RBM18: variants seen among roughly 807,000 people sequenced by gnomAD.
RBM18 encodes the protein RNA binding motif protein 18.
A neutral mutation model predicts 26.4 loss-of-function variants in RBM18; 18 were observed. That is an observed-to-expected ratio of 0.68 (90% CI 0.47 to 1.01). The LOEUF (loss-of-function observed/expected upper bound fraction) is 1.01. Among genes scored for constraint, RBM18 ranks in the 50% least tolerant of loss-of-function variants. The pLI is 0.00. For synonymous variants in RBM18, 74 were observed against 81.1 expected (o/e 0.91, Z 0.47); for missense variants, 180 against 219.2 (o/e 0.82, Z 1.13).
At chr9:122,252,624 G>T (rs138008624) in intron 2 of RBM18, among the ~76,000 whole-genome samples, 1 of 152,346 alleles carries the variant, frequency 6.6e-6, no homozygotes, top group African/African-American at 2.4e-5. Context: ...ACAACTATGT[G>T]ACTGAGGCCG....
At chr9:122,257,269 G>A (rs2118971641) in intron 2 of RBM18, among the ~76,000 whole-genome samples, 1 of 152,298 alleles carries the variant, frequency 6.6e-6, no homozygotes, top group South Asian at 2.1e-4. Context: ...AGCCTCCTGA[G>A]TAGCTGGGAC....
Position 122,238,620 on chromosome 9 carries a change from G to A in RBM18, c.*3264C>T, listed in dbSNP as rs537525980. The A allele has an allele frequency of 2.6e-4, 39 of 152,360 alleles. No individual in the cohort carries two copies. Among genetic ancestry groups the A allele is most frequent in the African/African-American group, 8.7e-4 (36 of 41,576 alleles). 9.4% of individuals were successfully genotyped at this position (152,360 alleles called of 1,614,324 possible). A position where few individuals can be genotyped will look rare whatever the true frequency, so the allele number is the denominator to read the frequency against. On this transcript the variant is annotated 3_prime_UTR_variant, in exon 6 of 6. Transcript: ENST00000417201. Reference sequence around the variant, plus strand: ...GTGGCTGCAGTACACCGCACAAGGGGAGAACAGTAGGCTATAGGGTCAGAC... The same window carrying A: ...GTGGCTGCAGTACACCGCACAAGGGAAGAACAGTAGGCTATAGGGTCAGAC...
chr9:122,258,324 A>G (rs1269665957), intron 2 of RBM18, among the ~76,000 whole-genome samples: 2 of 151,990 alleles, frequency 1.3e-5, no homozygotes, highest in African/African-American at 4.8e-5. Context: ...GCTGGAGTGC[A>G]GTGGTGTGAT....
intron 3 of RBM18, among the ~76,000 whole-genome samples, chr9:122,251,156 C>G (rs1242093398): frequency 6.6e-6 from 1 of 152,062 alleles, no homozygotes; most frequent in African/African-American, 2.4e-5. Context: ...CTCCCCATCT[C>G]AGCCTCCAGG....
In RBM18 at chr9:122,251,762, T is replaced by C; in HGVS notation, c.240+85A>G. ...GACATGGCTCCTGCCTACAGGGAAC[T>C]GCTATTCTAGTAGGCAAGAGACATG... is the stretch of plus-strand genomic sequence containing the variant. On this transcript the variant is annotated intron_variant, in intron 3 of 5. Coordinates refer to ENST00000417201, the MANE Select transcript of RBM18 (RefSeq NM_033117.4). The C allele has an allele frequency of 5.5e-6, 7 of 1,276,404 alleles. No homozygotes were observed. In the South Asian group the frequency reaches 7.7e-5, roughly 14 times the overall value. The allele number at this position is 1,276,404 out of a possible 1,614,324, so 79.1% of individuals were successfully genotyped here.
At position 122,239,305 on chromosome 9, in the gene RBM18, C is replaced by T. The variant is rs1418032931; in HGVS notation, c.*2579G>A. 6.6e-6 allele frequency: 1 copy of T among 152,070 alleles called. No homozygotes were observed. The highest frequency in any genetic ancestry group is 1.5e-5 in the Non-Finnish European group (1 of 68,032). 9.4% of individuals were successfully genotyped at this position (152,070 alleles called of 1,614,324 possible). On this transcript the variant is annotated 3_prime_UTR_variant, in exon 6 of 6. Coordinates refer to ENST00000417201, the MANE Select transcript of RBM18 (RefSeq NM_033117.4). ...TCTCGGCTCACTGGAACCTCTACCTCCTGGGTTCAAGCGATTCTTGTGCCT... is the reference window on the plus strand; with the variant it reads ...TCTCGGCTCACTGGAACCTCTACCTTCTGGGTTCAAGCGATTCTTGTGCCT...
intron 2 of RBM18, among the ~76,000 whole-genome samples, chr9:122,257,136 C>G (rs899059945): frequency 5.3e-5 from 8 of 152,108 alleles, no homozygotes; most frequent in Non-Finnish European, 1.0e-4. Flanking sequence ...AGTGCAGCGG[C>G]GCGATCTCGG....
chr9:122,261,391 G>C lies in RBM18; in HGVS notation c.102C>G (p.Pro34=), dbSNP rs769588118. The C allele has an allele frequency of 4.3e-6, 7 of 1,611,098 alleles. No homozygotes were observed. The East Asian group carries it at 1.6e-4, about 36-fold the overall frequency. Reference sequence around the variant, plus strand: ...TAACTTAGACTTACTCGGTAATTTTGGGGTCCAGGTTGCCAATCCATAATC... The same window carrying C: ...TAACTTAGACTTACTCGGTAATTTTCGGGTCCAGGTTGCCAATCCATAATC... ...GHRLWIGNLD[P]KITEYHLLKL... is the part of the protein sequence containing the mutation. The change falls in exon 2 of 6, where the codon CCC becomes CCG. Residue 34 remains proline, a synonymous_variant. Transcript: ENST00000417201.
rs779348204 is a variant in RBM18 at position 122,241,531 on chromosome 9, T to C, written c.*353A>G. On this transcript the variant is annotated 3_prime_UTR_variant, in exon 6 of 6. Transcript: ENST00000417201. ...GAAAAATGCTCAATTTTTTAATAGA[T>C]GTTAATATTTTTAGTTTCCTGATTT... The C allele has an allele frequency of 1.2e-5, 2 of 167,236 alleles. No homozygotes were observed. Among genetic ancestry groups the C allele is most frequent in the Non-Finnish European group, 2.6e-5 (2 of 78,222 alleles). 10.4% of individuals were successfully genotyped at this position (167,236 alleles called of 1,614,324 possible).
chr9:122,245,098 G>A (rs1465301305), intron 5 of RBM18, among the ~76,000 whole-genome samples, 158 bp downstream of exon 5: 1 of 152,116 alleles, frequency 6.6e-6, no homozygotes. Context: ...TGGAAGGAGA[G>A]GAAATGTATA....
chr9:122,259,882 C>T (rs749663939), intron 2 of RBM18, among the ~76,000 whole-genome samples: 29 of 151,846 alleles, frequency 1.9e-4, no homozygotes, highest in Non-Finnish European at 4.0e-4. Context: ...TTAGTAGAGA[C>T]GGGGTTTCAC....
At chr9:122,256,462 A>G (rs894855472) in intron 2 of RBM18, among the ~76,000 whole-genome samples, 4 of 152,222 alleles carry the variant, frequency 2.6e-5, no homozygotes, top group African/African-American at 9.6e-5. Flanking sequence ...GAAAGTCGGT[A>G]TTATCCCTTT....
At chr9:122,245,780 C>T (rs2118953560) in intron 4 of RBM18, among the ~76,000 whole-genome samples, 1 of 151,630 alleles carries the variant, frequency 6.6e-6, no homozygotes, top group South Asian at 2.1e-4. Flanking sequence ...GAGTTTGAGA[C>T]TAGGCTGGGA....
intron 2 of RBM18, among the ~76,000 whole-genome samples, chr9:122,253,360 AC>A (rs1383051702): frequency 5.3e-5 from 8 of 152,206 alleles, no homozygotes; most frequent in African/African-American, 9.7e-5. Context: ...CAGGTTTAGT[AC>A]TGGGACAAAT....
At chr9:122,243,243 A>T (rs1588376875) in intron 5 of RBM18, among the ~76,000 whole-genome samples, 1 of 152,292 alleles carries the variant, frequency 6.6e-6, no homozygotes, top group East Asian at 1.9e-4. Context: ...AAATGCTGGG[A>T]TTACAGGCAT....
Position 122,260,556 on chromosome 9 carries a change from TTCAA to T in RBM18, c.113+820_113+823del, listed in dbSNP as rs376523225. Reference sequence around the variant, plus strand: ...GTAAAAGAGCAGGGAGTCAGGGCAATTCAATCAATTTCGTGAACTCGGGCAAGGT... The same window carrying T: ...GTAAAAGAGCAGGGAGTCAGGGCAATTCAATTTCGTGAACTCGGGCAAGGT... On this transcript the variant is annotated intron_variant, in intron 2 of 5. Transcript: ENST00000417201. Among the ~76,000 whole-genome samples, 622 of 152,268 alleles carry T rather than the reference TTCAA, an allele frequency of 4.1e-3. 3 individuals are homozygous for T. Among genetic ancestry groups the T allele is most frequent in the African/African-American group, 0.014 (588 of 41,548 alleles).
At chr9:122,246,719 G>C (rs563602027) in intron 4 of RBM18, among the ~76,000 whole-genome samples, 1 of 152,012 alleles carries the variant, frequency 6.6e-6, no homozygotes, top group Non-Finnish European at 1.5e-5. Context: ...TTGGGGAGTG[G>C]GGTAGAGAGC....
intron 2 of RBM18, among the ~76,000 whole-genome samples, chr9:122,256,157 T>C (rs934226829): frequency 6.6e-5 from 10 of 152,252 alleles, no homozygotes; most frequent in Non-Finnish European, 1.2e-4. Context: ...CTTGTCTGAA[T>C]GAATTTTAAA....
At chr9:122,260,050 T>C (rs947075155) in intron 2 of RBM18, among the ~76,000 whole-genome samples, 3 of 152,094 alleles carry the variant, frequency 2.0e-5, no homozygotes, top group Non-Finnish European at 4.4e-5. Flanking sequence ...GATGATATGC[T>C]CAAAACTTGC....
Sources: allele counts gnomAD v4.1 joint callset (sites outside exome capture counted in the v4.1 genomes callset), GRCh38; gene constraint gnomAD v4.1.1; transcripts MANE v1.5; gene names NCBI Gene and HGNC (gene_info 2026-07-23, HGNC 2026-07-21).